Variants in GPHN observed in about 807,000 individuals in gnomAD.
GPHN encodes gephyrin.
GPHN carries 17 observed loss-of-function variants against 95.5 expected under a neutral mutation model. The observed-to-expected ratio is 0.18, with a 90% CI of 0.12 to 0.27. GPHN has a LOEUF of 0.27. Ranked by LOEUF, GPHN falls within the 10% of genes least tolerant of loss-of-function variation. The pLI, the probability that GPHN is intolerant of heterozygous loss-of-function variation, is 1.00. For synonymous variants in GPHN, 320 were observed against 322.5 expected (o/e 0.99, Z 0.08); for missense variants, 660 against 978.1 (o/e 0.67, Z 4.34).
rs560725516 is a variant in GPHN, at chr14:67,177,115, T to G, written c.2080-2463T>G. On this transcript the variant is annotated intron_variant, in intron 21 of 22. Coordinates refer to ENST00000478722, the MANE Select transcript of GPHN (RefSeq NM_020806.5). ...TGATCTTAGTTATTTCTTGCCTTCT[T>G]CTAGCTTTTGAATTTATTTCCTCTT... 3.9e-5 allele frequency among the ~76,000 whole-genome samples: 6 copies of G among 152,244 alleles called. 1 individual carries two copies. Among genetic ancestry groups the G allele is most frequent in the African/African-American group, 1.4e-4 (6 of 41,562 alleles).
intron 1 of GPHN, among the ~76,000 whole-genome samples, chr14:66,512,442 C>A (rs1453180664): frequency 1.3e-5 from 2 of 151,710 alleles, no homozygotes; most frequent in South Asian, 4.1e-4. Context: ...ATGTTTGATA[C>A]CAAGGTACTT....
intron 2 of GPHN, among the ~76,000 whole-genome samples, chr14:66,769,501 G>A (rs1364651287): frequency 2.6e-5 from 4 of 151,738 alleles, no homozygotes; most frequent in Non-Finnish European, 5.9e-5. Context: ...AATAGACCCC[G>A]GTGTGTGTTG....
At chr14:67,628,056 C>T in the GPHN span, among the ~76,000 whole-genome samples, 1 of 152,136 alleles carries the variant, frequency 6.6e-6, no homozygotes, top group South Asian at 2.1e-4. Flanking sequence ...CCACAGTGCC[C>T]TTGGGGGATG....
the GPHN span, among the ~76,000 whole-genome samples, chr14:67,611,968 C>T: frequency 2.2e-3 from 339 of 152,258 alleles, no homozygotes; most frequent in Non-Finnish European, 3.5e-3. Context: ...AGTGACAGAT[C>T]ATCAGGCATT....
chr14:66,904,434 G>A (rs1213631408), intron 5 of GPHN, among the ~76,000 whole-genome samples: 5 of 152,100 alleles, frequency 3.3e-5, no homozygotes, highest in African/African-American at 9.7e-5. Context: ...TGATTGGTGC[G>A]TTTTTACAGA....
the GPHN span, among the ~76,000 whole-genome samples, chr14:67,584,677 A>C: frequency 2.0e-5 from 3 of 152,226 alleles, no homozygotes; most frequent in Non-Finnish European, 4.4e-5. Flanking sequence ...TCATTCATTC[A>C]ACAAATAGTT....
chr14:66,893,699 A>G (rs1292719019), intron 5 of GPHN, among the ~76,000 whole-genome samples: 1 of 152,176 alleles, frequency 6.6e-6, no homozygotes, highest in Non-Finnish European at 1.5e-5. Context: ...AAAAATCACA[A>G]GCATTCTTAT....
intron 4 of GPHN, among the ~76,000 whole-genome samples, chr14:66,858,681 T>C (rs1332527463): frequency 6.6e-6 from 1 of 151,582 alleles, no homozygotes. Context: ...CTTAGGGGAG[T>C]AGAGCACCAA....
intron 14 of GPHN, among the ~76,000 whole-genome samples, chr14:67,110,671 G>T (rs1470986367): frequency 1.3e-5 from 2 of 152,170 alleles, no homozygotes; most frequent in Non-Finnish European, 2.9e-5. Context: ...CTGATAAAAT[G>T]TCAAGGAGTT....
chr14:66,545,759 G>T (rs1371219242), intron 1 of GPHN, among the ~76,000 whole-genome samples: 109 of 140,250 alleles, frequency 7.8e-4, no homozygotes, highest in Admixed American at 7.0e-4. Context: ...CTCCCTCCCG[G>T]ACGGGGCAGC....
chr14:67,308,004 C>T, the GPHN span, among the ~76,000 whole-genome samples: 1 of 152,048 alleles, frequency 6.6e-6, no homozygotes, highest in African/African-American at 2.4e-5. Context: ...ACCACATGTT[C>T]TCTTACATGT....
the GPHN span, among the ~76,000 whole-genome samples, chr14:67,307,981 C>T: frequency 3.9e-5 from 6 of 152,020 alleles, no homozygotes; most frequent in Middle Eastern, 3.4e-3. Flanking sequence ...AACACAGGAA[C>T]AGAAAACCAA....
At chr14:67,032,408 G>A (rs2074234574) in intron 10 of GPHN, among the ~76,000 whole-genome samples, 1 of 152,150 alleles carries the variant, frequency 6.6e-6, no homozygotes, top group African/African-American at 2.4e-5. Flanking sequence ...CCCAATTCTT[G>A]ACTTTTCACT....
At chr14:67,152,616 A>G (rs180676435) in intron 18 of GPHN, among the ~76,000 whole-genome samples, 1 of 152,356 alleles carries the variant, frequency 6.6e-6, no homozygotes, top group Non-Finnish European at 1.5e-5. Context: ...TACCCACCAC[A>G]GAATAATCAA....
the GPHN span, among the ~76,000 whole-genome samples, chr14:67,277,562 TAGTAGGTTTA>T: frequency 6.6e-6 from 1 of 151,900 alleles, no homozygotes; most frequent in Admixed American, 6.6e-5. Context: ...CTCAAGGAGG[TAGTAGGTTTA>T]TTACTGTAAA....
chr14:67,023,262 T>C (rs1406270154), intron 9 of GPHN, among the ~76,000 whole-genome samples: 1 of 152,128 alleles, frequency 6.6e-6, no homozygotes, highest in Non-Finnish European at 1.5e-5. Context: ...TTGAATTTTA[T>C]TATTATTCTA....
intron 9 of GPHN, among the ~76,000 whole-genome samples, chr14:66,998,371 A>G (rs1018610165): frequency 6.6e-6 from 1 of 152,210 alleles, no homozygotes; most frequent in Non-Finnish European, 1.5e-5. Context: ...AAAGACCAAT[A>G]AAATGAAGAA....
At chr14:67,249,318 A>G in the GPHN span, among the ~76,000 whole-genome samples, 1 of 152,336 alleles carries the variant, frequency 6.6e-6, no homozygotes, top group South Asian at 2.1e-4. Flanking sequence ...AATTGTAGTA[A>G]TGTAGTAAAA....
chr14:67,224,444 T>C, the GPHN span, among the ~76,000 whole-genome samples: 29 of 152,112 alleles, frequency 1.9e-4, no homozygotes, highest in East Asian at 3.9e-3. Flanking sequence ...GTATTTTTAG[T>C]AGAGATGGGG....
Sources: gnomAD v4.1 joint callset for allele counts (sites outside exome capture counted in the v4.1 genomes callset) on GRCh38, gnomAD v4.1.1 for gene constraint, MANE v1.5 for transcripts, NCBI Gene and HGNC (gene_info 2026-07-23, HGNC 2026-07-21) for gene names.